Variants in PTPRA observed in about 807,000 individuals in gnomAD.
PTPRA encodes the protein receptor-type tyrosine-protein phosphatase alpha.
In PTPRA, 25 loss-of-function variants were observed where a neutral mutation model predicts 104.8. That is an observed-to-expected ratio of 0.24 (90% CI 0.17 to 0.33). PTPRA has a LOEUF of 0.33. PTPRA is among the 10% of genes least tolerant of loss of function. The pLI, the probability that PTPRA is intolerant of heterozygous loss-of-function variation, is 1.00. For missense variants in PTPRA, 765 were observed against 1,015.3 expected, an observed-to-expected ratio of 0.75 and a Z score of 3.35; for synonymous variants, 323 against 368.9, an observed-to-expected ratio of 0.88 and a Z score of 1.43.
intron 6 of PTPRA, 98 bp from the exon 7 acceptor site, chr20:2,986,667 G>A (rs2062924443): frequency 3.9e-6 from 4 of 1,030,470 alleles, no homozygotes; most frequent in Non-Finnish European, 6.1e-6. Context: ...CAGAAGGACT[G>A]AATGAGCTCT....
intron 9 of PTPRA, among the ~76,000 whole-genome samples, chr20:3,002,644 A>G (rs1451859120): frequency 6.6e-6 from 1 of 152,130 alleles, no homozygotes; most frequent in Non-Finnish European, 1.5e-5. Flanking sequence ...AGTAATTCTA[A>G]TTCCAGAATA....
At chr20:2,865,695 C>T in the PTPRA span, among the ~76,000 whole-genome samples, 1 of 152,114 alleles carries the variant, frequency 6.6e-6, no homozygotes, top group South Asian at 2.1e-4. The surrounding 1 kb of genome is among the most constrained non-coding windows in gnomAD (Gnocchi z 5.2). Context: ...TCCAAGTTTG[C>T]CTGCAGATGT....
intron 5 of PTPRA, among the ~76,000 whole-genome samples, chr20:2,969,978 T>TAATAAATAAATAAATAAATAAATA (rs111309365): frequency 4.7e-4 from 71 of 150,092 alleles, no homozygotes; most frequent in East Asian, 4.0e-3. Flanking sequence ...TCTAAATAAA[T>TAATAAATAAATAAATAAATAAATA]AATAAATAAA....
At chr20:2,877,103 A>AT (rs917774661) in intron 1 of PTPRA, among the ~76,000 whole-genome samples, 1 of 152,090 alleles carries the variant, frequency 6.6e-6, no homozygotes, top group Admixed American at 6.5e-5. Context: ...TTATTGCATT[A>AT]TTTTTCTCCA....
At chr20:2,891,400 T>C (rs1398247844) in intron 1 of PTPRA, among the ~76,000 whole-genome samples, 4 of 152,218 alleles carry the variant, frequency 2.6e-5, no homozygotes, top group Non-Finnish European at 5.9e-5. Flanking sequence ...TTATCTTTTC[T>C]CTGAGCCCAC....
At chr20:2,865,288 G>A in the PTPRA span, 4 of 1,614,034 alleles carry the variant, frequency 2.5e-6, no homozygotes, top group African/African-American at 4.0e-5. The surrounding 1 kb of genome is among the most constrained non-coding windows in gnomAD (Gnocchi z 5.2). Flanking sequence ...CAGAGCAGCT[G>A]GCACGTGACT....
At chr20:3,014,500 C>T (rs1040820424) in intron 11 of PTPRA, among the ~76,000 whole-genome samples, 3 of 152,130 alleles carry the variant, frequency 2.0e-5, no homozygotes, top group Non-Finnish European at 4.4e-5. Context: ...AAAAATTAGC[C>T]GGCCGTGATG....
intron 5 of PTPRA, among the ~76,000 whole-genome samples, chr20:2,974,327 G>A (rs758519702): frequency 6.6e-6 from 1 of 151,886 alleles, no homozygotes; most frequent in Non-Finnish European, 1.5e-5. Context: ...TTGGGTCACT[G>A]CAACCTCTAC....
intron 3 of PTPRA, chr20:2,955,822 T>G (rs1293677263): frequency 2.2e-5 from 8 of 368,382 alleles, no homozygotes; most frequent in Non-Finnish European, 3.0e-5. Flanking sequence ...CTTCCCTTTT[T>G]TTGGCTTTCT....
At chr20:2,998,616 G>C (rs1009911990) in intron 9 of PTPRA, among the ~76,000 whole-genome samples, 1 of 152,116 alleles carries the variant, frequency 6.6e-6, no homozygotes, top group African/African-American at 2.4e-5. Context: ...GTGTTGGGTC[G>C]TTTTAAACAG....
chr20:2,991,209 A>C (rs912153218), intron 9 of PTPRA, among the ~76,000 whole-genome samples: 1 of 152,040 alleles, frequency 6.6e-6, no homozygotes, highest in African/African-American at 2.4e-5. Context: ...AAATACAAAA[A>C]TTAGCCAGGC....
rs1001728354 is a variant in PTPRA, at chr20:2,950,653, A to G, written c.-7+2629A>G. 4.6e-5 allele frequency among the ~76,000 whole-genome samples: 7 copies of G among 152,070 alleles called. No individual in the cohort carries two copies. The highest frequency in any genetic ancestry group is 1.7e-4 in the African/African-American group (7 of 41,420). ...GCGAGACTCCATCTCAAAAAAAAAA[A>G]AAATTTACTTGTGTCTTCTCTTTTT... On this transcript the variant is annotated intron_variant, in intron 3 of 23. Transcript: ENST00000399903. This position sits in a 1 kb window ranked among gnomAD's most constrained non-coding sequence, Gnocchi z 4.0.
At chr20:2,991,168 A>G (rs978620968) in intron 9 of PTPRA, among the ~76,000 whole-genome samples, 2 of 152,166 alleles carry the variant, frequency 1.3e-5, no homozygotes, top group South Asian at 4.1e-4. Flanking sequence ...AGCCTGGCTA[A>G]CATGGGGCAA....
intron 6 of PTPRA, among the ~76,000 whole-genome samples, chr20:2,985,295 G>A (rs575164627): frequency 2.2e-4 from 33 of 152,210 alleles, no homozygotes; most frequent in Non-Finnish European, 3.7e-4. Flanking sequence ...TAGACAAGAC[G>A]AATTAGACAA....
chr20:2,982,396 C>A (rs2062716883), intron 6 of PTPRA, among the ~76,000 whole-genome samples: 1 of 152,064 alleles, frequency 6.6e-6, no homozygotes, highest in South Asian at 2.1e-4. Flanking sequence ...TGATATACTG[C>A]CCCCTGTTGT....
intron 3 of PTPRA, among the ~76,000 whole-genome samples, chr20:2,951,622 A>G (rs890028725): frequency 1.3e-5 from 2 of 152,150 alleles, no homozygotes; most frequent in Admixed American, 6.5e-5. Flanking sequence ...AGTCCTAAAC[A>G]TGCTTACCCT....
At chr20:2,982,739 C>T (rs2062738303) in intron 6 of PTPRA, among the ~76,000 whole-genome samples, 2 of 151,680 alleles carry the variant, frequency 1.3e-5, no homozygotes, top group South Asian at 2.1e-4. Flanking sequence ...CTCTATTGCC[C>T]AGGCTGAAGT....
chr20:2,967,290 CTA>C (rs2061980579), intron 5 of PTPRA, among the ~76,000 whole-genome samples: 1 of 152,146 alleles, frequency 6.6e-6, no homozygotes, highest in African/African-American at 2.4e-5. Context: ...GAGGCTGAGA[CTA>C]TGTTTCTCTA....
intron 11 of PTPRA, among the ~76,000 whole-genome samples, chr20:3,014,423 A>T (rs2064334719): frequency 6.6e-6 from 1 of 151,978 alleles, no homozygotes; most frequent in Non-Finnish European, 1.5e-5. Context: ...GGATCATCTG[A>T]GTTCAGGAAT....
Sources: gnomAD v4.1 joint callset for allele counts (sites outside exome capture counted in the v4.1 genomes callset) on GRCh38, gnomAD v4.1.1 for gene constraint, Gnocchi (gnomAD v3.1) non-coding constraint, MANE v1.5 for transcripts, NCBI Gene and HGNC (gene_info 2026-07-23, HGNC 2026-07-21) for gene names.